ATP2B2: variants seen among roughly 807,000 people sequenced by gnomAD.
ATP2B2 encodes plasma membrane calcium-transporting ATPase 2.
In ATP2B2, 15 loss-of-function variants were observed where a neutral mutation model predicts 120.0. That is an observed-to-expected ratio of 0.12 (90% CI 0.08 to 0.19). The LOEUF is 0.19. ATP2B2 is among the 10% of genes least tolerant of loss of function. The pLI, the probability that ATP2B2 is intolerant of heterozygous loss-of-function variation, is 1.00. For missense variants in ATP2B2, 1,045 were observed against 1,719.8 expected (o/e 0.61, Z 6.94); for synonymous variants, 694 against 700.3 (o/e 0.99, Z 0.14).
chr3:10,618,087 G>C (rs2069444395), intron 2 of ATP2B2, among the ~76,000 whole-genome samples: 1 of 152,206 alleles, frequency 6.6e-6, no homozygotes, highest in African/African-American at 2.4e-5. Context: ...GTGAAACTAT[G>C]AATACATTGT....
At chr3:10,459,187 C>T (rs2064384250) in intron 1 of ATP2B2, among the ~76,000 whole-genome samples, 1 of 152,264 alleles carries the variant, frequency 6.6e-6, no homozygotes, top group Non-Finnish European at 1.5e-5. Context: ...CCACTGCCCA[C>T]CCTTGGGCTT....
intron 1 of ATP2B2, among the ~76,000 whole-genome samples, chr3:10,620,430 G>GA (rs1435418085): frequency 6.6e-6 from 1 of 152,188 alleles, no homozygotes; most frequent in African/African-American, 2.4e-5. Flanking sequence ...TCTGGGGACT[G>GA]AATCAGTCAG....
chr3:10,545,921 G>C (rs550569898), intron 2 of ATP2B2, among the ~76,000 whole-genome samples: 1 of 152,292 alleles, frequency 6.6e-6, no homozygotes, highest in South Asian at 2.1e-4. Flanking sequence ...GTAGAGAACT[G>C]AAATGATATA....
In ATP2B2 at chr3:10,375,317, G is replaced by T. The variant is rs956076964; in HGVS notation, c.1416+113C>A. 10 of 881,596 alleles carry T rather than the reference G, an allele frequency of 1.1e-5. No homozygotes were observed. Among genetic ancestry groups the T allele is most frequent in the African/African-American group, 8.2e-5 (5 of 61,328 alleles). The allele number at this position is 881,596 out of a possible 1,614,324, so 54.6% of individuals were successfully genotyped here. ...CATTCTTCTTCCAAGCTCCTAGGGG[G>T]TCTATGGGGCTTCTTCGTTCATCTC... On this transcript the variant is annotated intron_variant, in intron 11 of 22. Transcript: ENST00000360273. This position sits in a 1 kb window ranked among gnomAD's most constrained non-coding sequence, Gnocchi z 4.2.
chr3:10,507,328 C>T (rs2066661143), upstream of ATP2B2, among the ~76,000 whole-genome samples: 1 of 152,078 alleles, frequency 6.6e-6, no homozygotes, highest in East Asian at 1.9e-4. Flanking sequence ...GGAACTCTAC[C>T]CCTCTTAGGG....
chr3:10,551,444 A>G (rs2067668241), intron 2 of ATP2B2, among the ~76,000 whole-genome samples: 1 of 152,198 alleles, frequency 6.6e-6, no homozygotes. Context: ...TGTCAGTGCT[A>G]CTTGCAAGAT....
chr3:10,411,262 G>T (rs1263250437), intron 2 of ATP2B2, among the ~76,000 whole-genome samples: 1 of 152,186 alleles, frequency 6.6e-6, no homozygotes, highest in Non-Finnish European at 1.5e-5. Flanking sequence ...ATGTCTGGGG[G>T]CACCAGACGC....
Position 10,342,644 on chromosome 3 carries a change from T to G in ATP2B2, c.2917+108A>C. The G allele has an allele frequency of 7.3e-7, 1 of 1,367,530 alleles. No homozygotes were observed. The highest frequency in any genetic ancestry group is 1.0e-6 in the Non-Finnish European group (1 of 977,838). 84.7% of individuals were successfully genotyped at this position (1,367,530 alleles called of 1,614,324 possible). A position where few individuals can be genotyped will look rare whatever the true frequency, so the allele number is the denominator to read the frequency against. ...CCTCCCTGGGCCTCAATTTCCCCATTAGCAAAACAGGAGGGGGTTGTGACT... is the reference window on the plus strand; with the variant it reads ...CCTCCCTGGGCCTCAATTTCCCCATGAGCAAAACAGGAGGGGGTTGTGACT... On this transcript the variant is annotated intron_variant, in intron 19 of 22. Coordinates refer to ENST00000360273, the MANE Select transcript of ATP2B2 (RefSeq NM_001001331.4). This position sits in a 1 kb window ranked among gnomAD's most constrained non-coding sequence, Gnocchi z 4.4.
rs1453823607 is a variant in ATP2B2 at position 10,329,026 on chromosome 3, G to A, written c.3520C>T (p.Arg1174Trp). Residue 1174 changes from arginine to tryptophan, a missense_variant, in exon 23 of 23, where the codon CGG becomes TGG. By Grantham distance (101) the Arg-to-Trp change is moderately radical. Transcript: ENST00000360273. This position sits in a 1 kb window ranked among gnomAD's most constrained non-coding sequence, Gnocchi z 5.9. ...ATGTGGGGCTGGGAATCTTCGATCC[G>A]GAATTCAGGATGAGCCATGAAGTTA... ...IHNFMAHPEF[R>W]IEDSQPHIPL... is the part of the protein sequence containing the mutation. 5.0e-6 allele frequency: 8 copies of A among 1,613,878 alleles called. No individual in the cohort carries two copies. The highest frequency in any genetic ancestry group is 6.8e-6 in the Non-Finnish European group (8 of 1,180,020).
intron 1 of ATP2B2, among the ~76,000 whole-genome samples, chr3:10,629,045 G>A (rs537545332): frequency 6.6e-6 from 1 of 152,270 alleles, no homozygotes; most frequent in African/African-American, 2.4e-5. Context: ...CCTAACACAC[G>A]GTTTTCTCCG....
intron 5 of ATP2B2, among the ~76,000 whole-genome samples, chr3:10,389,916 C>T (rs757158677): frequency 1.1e-4 from 16 of 152,286 alleles, no homozygotes; most frequent in Non-Finnish European, 1.6e-4. Flanking sequence ...GTTCTAGCAG[C>T]GAGGGAATGC....
intron 8 of ATP2B2, among the ~76,000 whole-genome samples, chr3:10,379,739 A>G (rs182856850): frequency 2.7e-4 from 41 of 152,222 alleles, no homozygotes; most frequent in Admixed American, 7.2e-4. Flanking sequence ...CACAAAAGAA[A>G]ACATGCAGTA....
chr3:10,579,746 G>A (rs2068340736), intron 2 of ATP2B2, among the ~76,000 whole-genome samples: 1 of 152,134 alleles, frequency 6.6e-6, no homozygotes, highest in Non-Finnish European at 1.5e-5. Context: ...GCAGGCAGAG[G>A]TTGCAGTGAG....
chr3:10,381,538 G>A (rs746216251), intron 8 of ATP2B2, among the ~76,000 whole-genome samples: 4 of 152,194 alleles, frequency 2.6e-5, no homozygotes, highest in Non-Finnish European at 5.9e-5. Flanking sequence ...CAATGCATAT[G>A]CTGGAGGAAG....
rs2067174159 is a variant in ATP2B2, at chr3:10,529,834, C to T, written c.-320+4205G>A. The stretch of plus-strand genomic sequence containing the variant: ...TTTGGTGTCCTTACAAAAAGGGGAT[C>T]TTTGGACACAGAGGCACTCACTGGG... On this transcript the variant is annotated intron_variant, in intron 3 of 21. Coordinates refer to the ATP2B2 transcript ENST00000646379. 1.3e-5 allele frequency among the ~76,000 whole-genome samples: 2 copies of T among 152,132 alleles called. 1 individual carries two copies. Among genetic ancestry groups the T allele is most frequent in the South Asian group, 4.1e-4 (2 of 4,826 alleles).
chr3:10,660,458 T>C (rs1039660517), intron 1 of ATP2B2, among the ~76,000 whole-genome samples: 1 of 152,156 alleles, frequency 6.6e-6, no homozygotes, highest in Non-Finnish European at 1.5e-5. Context: ...CATCAGAGAA[T>C]ACAAGAAACA....
intron 2 of ATP2B2, among the ~76,000 whole-genome samples, chr3:10,441,431 G>C (rs1047031122): frequency 6.6e-6 from 1 of 152,136 alleles, no homozygotes; most frequent in African/African-American, 2.4e-5. Context: ...GTAGAGATGG[G>C]GTTCCACCAT....
chr3:10,494,762 C>T (rs767099310), intron 1 of ATP2B2, among the ~76,000 whole-genome samples: 1 of 152,192 alleles, frequency 6.6e-6, no homozygotes, highest in Non-Finnish European at 1.5e-5. Context: ...GCCTTCAGCC[C>T]CACATGCTGC....
intron 2 of ATP2B2, among the ~76,000 whole-genome samples, chr3:10,605,614 A>G (rs2069041473): frequency 6.6e-6 from 1 of 150,610 alleles, no homozygotes; most frequent in African/African-American, 2.4e-5. Context: ...CAGCATTTCG[A>G]GACTAGCCTG....
Sources: allele counts gnomAD v4.1 joint callset (sites outside exome capture counted in the v4.1 genomes callset), GRCh38; gene constraint gnomAD v4.1.1; non-coding constraint Gnocchi (gnomAD v3.1); transcripts MANE v1.5; gene names NCBI Gene and HGNC (gene_info 2026-07-23, HGNC 2026-07-21).